The following NOVA1 variants were observed in gnomAD, a reference collection of about 807,000 sequenced individuals.
NOVA1 encodes RNA-binding protein Nova-1.
Under a neutral mutation model 38.0 loss-of-function variants are expected in NOVA1, and 7 were observed. The ratio of observed to expected loss-of-function variants is 0.18; its 90% CI spans 0.10 to 0.35. NOVA1 has a LOEUF of 0.35. Ranked by LOEUF, NOVA1 falls within the 10% of genes least tolerant of loss-of-function variation. The probability of loss-of-function intolerance (pLI) is 1.00; values close to 1 mark genes in which losing one functional copy is unlikely to be tolerated. For missense variants in NOVA1, 460 were observed against 616.0 expected, an observed-to-expected ratio of 0.75 and a Z score of 2.68; for synonymous variants, 270 against 232.5, an observed-to-expected ratio of 1.16 and a Z score of -1.47.
At chr14:26,483,594 C>T (rs1022358835) in intron 2 of NOVA1, among the ~76,000 whole-genome samples, 5 of 152,050 alleles carry the variant, frequency 3.3e-5, no homozygotes, top group Non-Finnish European at 7.4e-5. Flanking sequence ...GTATGAAAAC[C>T]AAACATTATA....
At chr14:26,513,790 AAAGTAACTTT>A (rs1440835218) in intron 2 of NOVA1, among the ~76,000 whole-genome samples, 5 of 151,830 alleles carry the variant, frequency 3.3e-5, no homozygotes, top group Non-Finnish European at 5.9e-5. Context: ...ACTATTATTA[AAAGTAACTTT>A]AATTTCACCA....
intron 2 of NOVA1, among the ~76,000 whole-genome samples, chr14:26,579,629 T>C (rs911958457): frequency 1.3e-5 from 2 of 152,128 alleles, no homozygotes; most frequent in African/African-American, 4.8e-5. Context: ...ATTAAGTTTA[T>C]ACAATAATTA....
rs140147666 is a variant in NOVA1 at position 26,558,912 on chromosome 14, T to A, written c.280+36498A>T. Among the ~76,000 whole-genome samples, 9 of 152,212 alleles carry A rather than the reference T, an allele frequency of 5.9e-5. 1 individual carries two copies. In the East Asian group the frequency reaches 1.7e-3, roughly 29 times the overall value. On this transcript the variant is annotated intron_variant, in intron 2 of 4. Transcript: ENST00000539517. Reference sequence around the variant, plus strand: ...ATAAGGTAATATTGTTTGAGCAAAGTAAAACAGAACACTTCTGATTAGAAG... The same window carrying A: ...ATAAGGTAATATTGTTTGAGCAAAGAAAAACAGAACACTTCTGATTAGAAG...
intron 2 of NOVA1, among the ~76,000 whole-genome samples, chr14:26,546,415 A>G (rs955357195): frequency 1.3e-5 from 2 of 152,178 alleles, no homozygotes; most frequent in Admixed American, 1.3e-4. Flanking sequence ...AAAATTATCT[A>G]TTTGAGAGGG....
chr14:26,477,427 A>G (rs1311592156), intron 3 of NOVA1, among the ~76,000 whole-genome samples: 1 of 152,154 alleles, frequency 6.6e-6, no homozygotes, highest in Non-Finnish European at 1.5e-5. Context: ...CAAGTTATAT[A>G]TAAGGCCATT....
At position 26,597,230 on chromosome 14, in the gene NOVA1, G is replaced by A. The variant is rs925104977; in HGVS notation, c.136+71C>T. On this transcript the variant is annotated intron_variant, in intron 1 of 4. Transcript: ENST00000539517. ...GGGAGGGAGGGAAGGAGGGAGGGAG[G>A]ACGGCGAGGGAGGGAGGCAGGGGCG... 16 of 1,159,404 alleles carry A rather than the reference G, an allele frequency of 1.4e-5. No individual in the cohort carries two copies. In the East Asian group the frequency reaches 2.6e-4, roughly 19 times the overall value. 71.8% of individuals were successfully genotyped at this position (1,159,404 alleles called of 1,614,324 possible). A position where few individuals can be genotyped will look rare whatever the true frequency, so the allele number is the denominator to read the frequency against.
chr14:26,460,630 T>C (rs1883580443), intron 4 of NOVA1, among the ~76,000 whole-genome samples: 1 of 151,976 alleles, frequency 6.6e-6, no homozygotes, highest in Non-Finnish European at 1.5e-5. Flanking sequence ...ATTTATTGTC[T>C]CCGGAAAAAT....
chr14:26,581,721 G>A (rs1893238088), intron 2 of NOVA1, among the ~76,000 whole-genome samples: 1 of 151,816 alleles, frequency 6.6e-6, no homozygotes, highest in Non-Finnish European at 1.5e-5. Context: ...CCAGTGATGG[G>A]CAAATGTGGC....
At chr14:26,584,584 CACT>C (rs1277377555) in intron 2 of NOVA1, among the ~76,000 whole-genome samples, 1 of 151,296 alleles carries the variant, frequency 6.6e-6, no homozygotes, top group Non-Finnish European at 1.5e-5. Flanking sequence ...CTCCTACCAC[CACT>C]GACCCCCACA....
intron 2 of NOVA1, among the ~76,000 whole-genome samples, chr14:26,523,912 A>T (rs1025542063): frequency 6.6e-6 from 1 of 151,882 alleles, no homozygotes; most frequent in African/African-American, 2.4e-5. Flanking sequence ...CACCATGCCC[A>T]GCTAATTTTT....
chr14:26,505,119 A>C (rs577995175), intron 2 of NOVA1, among the ~76,000 whole-genome samples: 1 of 152,354 alleles, frequency 6.6e-6, no homozygotes, highest in Non-Finnish European at 1.5e-5. Flanking sequence ...ATATAAAAAT[A>C]AACACAGAAC....
chr14:26,564,199 A>G (rs1015297880), intron 2 of NOVA1, among the ~76,000 whole-genome samples: 1 of 152,138 alleles, frequency 6.6e-6, no homozygotes, highest in African/African-American at 2.4e-5. Context: ...CCTGACGTAC[A>G]TAACTTCACC....
chr14:26,569,709 T>G (rs10129655), intron 2 of NOVA1, among the ~76,000 whole-genome samples: 1 of 152,010 alleles, frequency 6.6e-6, no homozygotes, highest in African/African-American at 2.4e-5. Flanking sequence ...TGGCCCATTA[T>G]TGACAAATAA....
intron 2 of NOVA1, among the ~76,000 whole-genome samples, chr14:26,522,973 T>C (rs1475112127): frequency 2.0e-5 from 3 of 152,180 alleles, no homozygotes; most frequent in African/African-American, 4.8e-5. Flanking sequence ...CCTAAATTAG[T>C]GTTTTCTTAA....
At chr14:26,486,696 CAAAAAAAAAAAAA>C (rs59078775) in intron 2 of NOVA1, among the ~76,000 whole-genome samples, 5 of 23,106 alleles carry the variant, frequency 2.2e-4, no homozygotes, top group East Asian at 1.9e-3. Flanking sequence ...GTGACAGACT[CAAAAAAAAAAAAA>C]AAAAAAAAAA....
At chr14:26,589,575 A>G (rs141165331) in intron 2 of NOVA1, among the ~76,000 whole-genome samples, 104 of 151,982 alleles carry the variant, frequency 6.8e-4, no homozygotes, top group African/African-American at 2.1e-3. Flanking sequence ...CTAAAAAGAT[A>G]CAACTTAAAT....
intron 2 of NOVA1, among the ~76,000 whole-genome samples, chr14:26,489,665 C>T (rs1029211661): frequency 1.3e-5 from 2 of 151,958 alleles, no homozygotes; most frequent in African/African-American, 4.8e-5. Context: ...ACAGTGAGAA[C>T]TCCATCTCTA....
chr14:26,548,462 ACT>A (rs958035150), intron 2 of NOVA1, among the ~76,000 whole-genome samples: 22 of 152,064 alleles, frequency 1.4e-4, no homozygotes, highest in Non-Finnish European at 2.5e-4. Flanking sequence ...TATGATTAAG[ACT>A]CTGTGAAGTT....
chr14:26,465,659 A>G lies in NOVA1; in HGVS notation c.519+6661T>C, dbSNP rs1401158681. 2.0e-5 allele frequency among the ~76,000 whole-genome samples: 3 copies of G among 152,038 alleles called. No individual in the cohort carries two copies. In the East Asian group the frequency reaches 5.8e-4, roughly 29 times the overall value. ...TCTTTTCTAGTTGGTTTATATTGTT[A>G]GAGAGAATTCTATGCAAAATTTCAT... On this transcript the variant is annotated intron_variant, in intron 4 of 4. Coordinates refer to ENST00000539517, the MANE Select transcript of NOVA1 (RefSeq NM_002515.3).
Sources: allele counts gnomAD v4.1 joint callset (sites outside exome capture counted in the v4.1 genomes callset), GRCh38; gene constraint gnomAD v4.1.1; transcripts MANE v1.5; gene names NCBI Gene and HGNC (gene_info 2026-07-23, HGNC 2026-07-21).